ZNF420: variants seen among roughly 807,000 people sequenced by gnomAD.
ZNF420 encodes zinc finger protein 420.
In ZNF420, 31 loss-of-function variants were observed where a neutral mutation model predicts 44.7. That is an observed-to-expected ratio of 0.69 (90% confidence interval 0.52 to 0.94). The LOEUF (loss-of-function observed/expected upper bound fraction) is 0.94. ZNF420 is among the 40% of genes least tolerant of loss of function. ZNF420 has a pLI of 0.00. For missense variants in ZNF420, 681 were observed against 827.9 expected (o/e 0.82, Z 2.18); for synonymous variants, 245 against 267.4 (o/e 0.92, Z 0.82).
chr19:37,101,437 G>T (rs1354722660), intron 4 of ZNF420, among the ~76,000 whole-genome samples: 1 of 152,220 alleles, frequency 6.6e-6, no homozygotes, highest in African/African-American at 2.4e-5. Flanking sequence ...AGAGGTTGCA[G>T]TGAGCTGAGA....
At chr19:37,114,170 T>A (rs1970531317) in intron 4 of ZNF420, among the ~76,000 whole-genome samples, 1 of 152,170 alleles carries the variant, frequency 6.6e-6, no homozygotes, top group African/African-American at 2.4e-5. Flanking sequence ...GCCTTATCAA[T>A]AATTTTATGT....
chr19:37,087,998 A>C (rs917202913), intron 2 of ZNF420, among the ~76,000 whole-genome samples: 2 of 152,060 alleles, frequency 1.3e-5, no homozygotes, highest in Non-Finnish European at 2.9e-5. Context: ...AGATTACCCA[A>C]CTTTTTCTGT....
intron 4 of ZNF420, among the ~76,000 whole-genome samples, chr19:37,116,453 CT>C (rs777286734): frequency 6.6e-6 from 1 of 151,332 alleles, no homozygotes; most frequent in South Asian, 2.1e-4. Context: ...TCTTAAAACA[CT>C]TTTTTTGGAA....
At chr19:37,059,145 G>T (rs2146437229) in intron 1 of ZNF420, among the ~76,000 whole-genome samples, 1 of 152,314 alleles carries the variant, frequency 6.6e-6, no homozygotes, top group East Asian at 1.9e-4. Flanking sequence ...CCCTCCACCG[G>T]TGGAAGTCGA....
chr19:37,062,303 GA>G (rs1213160064), intron 1 of ZNF420, among the ~76,000 whole-genome samples: 1 of 152,162 alleles, frequency 6.6e-6, no homozygotes, highest in African/African-American at 2.4e-5. Flanking sequence ...ATGAAAAACA[GA>G]AAAGACATTA....
At chr19:37,095,642 A>T (rs1454449444) in intron 4 of ZNF420, among the ~76,000 whole-genome samples, 1 of 151,762 alleles carries the variant, frequency 6.6e-6, no homozygotes, top group Non-Finnish European at 1.5e-5. Flanking sequence ...CTTGTTGCCC[A>T]GGCTGTAGTG....
intron 1 of ZNF420, among the ~76,000 whole-genome samples, chr19:37,044,640 C>T (rs990726716): frequency 4.0e-5 from 6 of 150,946 alleles, no homozygotes; most frequent in African/African-American, 1.5e-4. Context: ...CTGAGGTGAG[C>T]GGATCACCTG....
In ZNF420 at chr19:37,039,725, C is replaced by T. The variant is rs1040194078; in HGVS notation, c.-125+31643C>T. Among the ~76,000 whole-genome samples, 115 of 147,678 alleles carry T rather than the reference C, an allele frequency of 7.8e-4. 1 individual carries two copies. Among genetic ancestry groups the T allele is most frequent in the East Asian group, 1.2e-3 (6 of 5,014 alleles). On this transcript the variant is annotated intron_variant, in intron 1 of 4. Transcript: ENST00000587029. ...TCTTTTTTTTTTTTTTTGTGAGATA[C>T]GGTCTCACTCTGTTGCCCAGACTGG...
At chr19:37,014,863 C>G (rs900388757) in intron 1 of ZNF420, among the ~76,000 whole-genome samples, 2 of 152,232 alleles carry the variant, frequency 1.3e-5, no homozygotes, top group Non-Finnish European at 2.9e-5. Context: ...TCCTTGGAGA[C>G]TGGCAGGGCC....
intron 1 of ZNF420, among the ~76,000 whole-genome samples, chr19:37,025,998 A>G (rs1967150949): frequency 6.6e-6 from 1 of 152,002 alleles, no homozygotes; most frequent in African/African-American, 2.4e-5. Flanking sequence ...CATCGATTAT[A>G]TAATTTAACA....
intron 1 of ZNF420, among the ~76,000 whole-genome samples, chr19:37,054,461 C>G (rs1158477063): frequency 6.6e-6 from 1 of 152,222 alleles, no homozygotes; most frequent in East Asian, 1.9e-4. Context: ...ATGCTGGGAG[C>G]TCTAGACTGG....
chr19:37,102,057 A>G (rs1321115259), intron 4 of ZNF420, among the ~76,000 whole-genome samples: 1 of 151,646 alleles, frequency 6.6e-6, no homozygotes, highest in African/African-American at 2.4e-5. Flanking sequence ...AGAGGCTTCC[A>G]TGCACAGATG....
At chr19:37,027,465 T>A (rs1485140020) in intron 1 of ZNF420, among the ~76,000 whole-genome samples, 1 of 152,224 alleles carries the variant, frequency 6.6e-6, no homozygotes, top group East Asian at 1.9e-4. Flanking sequence ...TCACTCTTTG[T>A]GTTCTACCAT....
At chr19:37,079,568 C>T (rs895741711) in intron 1 of ZNF420, among the ~76,000 whole-genome samples, 2 of 152,158 alleles carry the variant, frequency 1.3e-5, no homozygotes, top group South Asian at 4.1e-4. Context: ...TTCTTCCCTG[C>T]GTCCTCTTGC....
At chr19:37,051,556 G>A (rs145041392) in intron 1 of ZNF420, among the ~76,000 whole-genome samples, 3,684 of 152,070 alleles carry the variant, frequency 0.024, 160 homozygotes, top group African/African-American at 0.084. Context: ...CTGTGGGATC[G>A]GTGGTGACAT....
intron 1 of ZNF420, among the ~76,000 whole-genome samples, chr19:37,056,864 G>A (rs1014802131): frequency 3.3e-5 from 5 of 152,218 alleles, no homozygotes; most frequent in Non-Finnish European, 5.9e-5. Flanking sequence ...TCTCTCCCAC[G>A]TCGCCGCCTA....
At chr19:37,110,443 C>T (rs1040023855) in intron 4 of ZNF420, among the ~76,000 whole-genome samples, 44 of 152,182 alleles carry the variant, frequency 2.9e-4, no homozygotes, top group Admixed American at 2.6e-4. Context: ...TTTATGAATG[C>T]AGATGATACC....
intron 1 of ZNF420, among the ~76,000 whole-genome samples, chr19:37,053,578 A>G (rs1967682294): frequency 1.3e-5 from 2 of 152,226 alleles, no homozygotes; most frequent in African/African-American, 4.8e-5. Flanking sequence ...TCCTTCTAAC[A>G]GTCAGGACCC....
At chr19:37,100,630 G>C (rs146543540) in intron 4 of ZNF420, among the ~76,000 whole-genome samples, 2 of 151,832 alleles carry the variant, frequency 1.3e-5, no homozygotes, top group Non-Finnish European at 2.9e-5. Context: ...GGAGAATCAC[G>C]TGAACCTGGG....
Sources: allele counts gnomAD v4.1 joint callset (sites outside exome capture counted in the v4.1 genomes callset), GRCh38; gene constraint gnomAD v4.1.1; transcripts MANE v1.5; gene names NCBI Gene and HGNC (gene_info 2026-07-23, HGNC 2026-07-21).